The following TRAPPC9 variants were observed in gnomAD, a reference collection of about 807,000 sequenced individuals.
The protein encoded by TRAPPC9 is IKK2 binding protein.
A neutral mutation model predicts 124.0 loss-of-function variants in TRAPPC9; 83 were observed. The observed-to-expected ratio is 0.67, with a 90% CI of 0.56 to 0.80. The LOEUF is 0.80. TRAPPC9 is among the 30% of genes least tolerant of loss of function. TRAPPC9 has a pLI of 0.00. For missense variants in TRAPPC9, 1,302 were observed against 1,508.3 expected, an observed-to-expected ratio of 0.86 and a Z score of 2.27; for synonymous variants, 638 against 617.5, an observed-to-expected ratio of 1.03 and a Z score of -0.49.
chr8:140,280,876 T>C (rs2065292235), intron 14 of TRAPPC9, among the ~76,000 whole-genome samples: 1 of 152,238 alleles, frequency 6.6e-6, no homozygotes, highest in Non-Finnish European at 1.5e-5. Context: ...TCTGGATGTT[T>C]CACATCAGAG....
intron 5 of TRAPPC9, among the ~76,000 whole-genome samples, chr8:140,415,916 G>A (rs2069913285): frequency 6.6e-6 from 1 of 152,098 alleles, no homozygotes; most frequent in Non-Finnish European, 1.5e-5. Context: ...AACTATGACT[G>A]TACCATTGCA....
chr8:140,027,339 TAAAC>T (rs1259298967), intron 17 of TRAPPC9, among the ~76,000 whole-genome samples: 1 of 152,212 alleles, frequency 6.6e-6, no homozygotes, highest in Admixed American at 6.5e-5. Context: ...GTCATGGAAA[TAAAC>T]AAACTCTCAG....
chr8:140,089,751 A>G (rs1466982606), intron 17 of TRAPPC9, among the ~76,000 whole-genome samples: 1 of 152,118 alleles, frequency 6.6e-6, no homozygotes, highest in African/African-American at 2.4e-5. Context: ...ATAGATGAGT[A>G]GGCTGGTAGA....
chr8:139,744,035 G>A (rs7016910), intron 21 of TRAPPC9, among the ~76,000 whole-genome samples: 24 of 152,238 alleles, frequency 1.6e-4, no homozygotes, highest in East Asian at 9.7e-4. Context: ...ACACGCGAAC[G>A]TGCACTCACT....
intron 1 of TRAPPC9, 109 bp downstream of exon 1, chr8:140,457,530 G>A (rs914362125): frequency 5.9e-5 from 53 of 894,984 alleles, no homozygotes; most frequent in Non-Finnish European, 7.0e-5. Context: ...GACAGGTGAG[G>A]GCCGGGCGAG....
intron 12 of TRAPPC9, among the ~76,000 whole-genome samples, chr8:140,288,644 G>A (rs569234284): frequency 1.6e-4 from 24 of 152,188 alleles, no homozygotes; most frequent in Admixed American, 1.2e-3. Context: ...GTCAGAAAAC[G>A]CTATGGAATC....
At chr8:140,356,374 C>G (rs2132151929) in intron 9 of TRAPPC9, among the ~76,000 whole-genome samples, 1 of 152,304 alleles carries the variant, frequency 6.6e-6, no homozygotes, top group South Asian at 2.1e-4. Context: ...CCTCACATGT[C>G]TGGAGTGGAG....
intron 21 of TRAPPC9, among the ~76,000 whole-genome samples, chr8:139,833,505 G>A (rs1826120803): frequency 6.6e-6 from 1 of 152,210 alleles, no homozygotes; most frequent in Non-Finnish European, 1.5e-5. Context: ...TCCGGCCACG[G>A]CACCTGGCTG....
rs146736438 is a variant in TRAPPC9 at position 140,354,356 on chromosome 8, T to C, written c.1495+5694A>G. On this transcript the variant is annotated intron_variant, in intron 9 of 22. Transcript: ENST00000438773. Reference sequence around the variant, plus strand: ...CTCAACAAAGATGGCCCTGTACCCATGATCAGAAAAGCAACACAGTCACGG... The same window carrying C: ...CTCAACAAAGATGGCCCTGTACCCACGATCAGAAAAGCAACACAGTCACGG... Among the ~76,000 whole-genome samples, 507 of 152,288 alleles carry C rather than the reference T, an allele frequency of 3.3e-3. 1 individual carries two copies. The highest frequency in any genetic ancestry group is 0.011 in the African/African-American group (467 of 41,562).
rs183621187 is a variant in TRAPPC9 at position 140,455,063 on chromosome 8, A to C, written c.-11+2576T>G. Among the ~76,000 whole-genome samples the C allele has an allele frequency of 5.4e-4, 82 of 152,348 alleles. No individual in the cohort carries two copies. In the East Asian group the frequency reaches 0.015, roughly 27 times the overall value. The stretch of plus-strand genomic sequence containing the variant: ...GTAGTTCCTCCATAGAGCTACTATA[A>C]AACCAGCAATCCAAGAGATCTGAAA... On this transcript the variant is annotated intron_variant, in intron 1 of 22. Transcript: ENST00000438773.
intron 17 of TRAPPC9, among the ~76,000 whole-genome samples, chr8:140,047,869 T>A (rs140988043): frequency 0.019 from 2,949 of 151,828 alleles, 40 homozygotes; most frequent in Non-Finnish European, 0.028. Flanking sequence ...CCAGCAGAGG[T>A]CGGGGCAGAA....
chr8:140,441,631 C>T (rs1242046493), intron 2 of TRAPPC9, among the ~76,000 whole-genome samples: 2 of 151,332 alleles, frequency 1.3e-5, no homozygotes, highest in African/African-American at 2.4e-5. Context: ...GACGGCTGGG[C>T]AACAGAGCAA....
intron 17 of TRAPPC9, among the ~76,000 whole-genome samples, chr8:140,057,486 C>T (rs1470074572): frequency 2.0e-5 from 3 of 152,192 alleles, no homozygotes; most frequent in African/African-American, 4.8e-5. Flanking sequence ...TCGATAAATA[C>T]AATGAAATGT....
chr8:139,917,793 A>T (rs1171510984), intron 19 of TRAPPC9, among the ~76,000 whole-genome samples: 2 of 152,222 alleles, frequency 1.3e-5, no homozygotes, highest in Non-Finnish European at 2.9e-5. Context: ...AACCTGTGGT[A>T]AGCGTTGACT....
intron 9 of TRAPPC9, among the ~76,000 whole-genome samples, chr8:140,348,004 G>A (rs2067402150): frequency 6.6e-6 from 1 of 152,214 alleles, no homozygotes; most frequent in African/African-American, 2.4e-5. Context: ...GGAGCACTGG[G>A]CTGAGAAGAA....
intron 5 of TRAPPC9, among the ~76,000 whole-genome samples, chr8:140,406,984 GC>G (rs1365946516): frequency 6.6e-6 from 1 of 152,204 alleles, no homozygotes; most frequent in Admixed American, 6.5e-5. Flanking sequence ...CAGGTACCAG[GC>G]ACCCCTTCGA....
intron 17 of TRAPPC9, among the ~76,000 whole-genome samples, chr8:140,120,961 C>G (rs1315491762): frequency 1.3e-5 from 2 of 152,276 alleles, no homozygotes; most frequent in African/African-American, 4.8e-5. Context: ...AACCATCCAT[C>G]CACCCTTTCA....
rs1486430567 is a variant in TRAPPC9 at position 139,910,242 on chromosome 8, T to TC, written c.2868dup (p.Lys957GlufsTer72). The TC allele has an allele frequency of 6.2e-7, 1 of 1,614,126 alleles. No individual in the cohort carries two copies. Among genetic ancestry groups the TC allele is most frequent in the Non-Finnish European group, 8.5e-7 (1 of 1,180,018 alleles). ...TGCTTGGGGTTTGCAAATTGCCCCT[T>TC]CTCCCCAGGGGACTCCGGGAAACTC... is the stretch of plus-strand genomic sequence containing the variant. On this transcript the variant is annotated frameshift_variant, in exon 20 of 23. Transcript: ENST00000438773. LOFTEE classifies it high-confidence loss of function.
chr8:140,033,658 G>GTTTTTTGTTTT lies in TRAPPC9; in HGVS notation c.2557-9580_2557-9579insAAAACAAAAAA, dbSNP rs1563706552. The stretch of plus-strand genomic sequence containing the variant: ...TTGAAATGCAACTCTTCATAATGTG[G>GTTTTTTGTTTT]TTTTTTTTTTTTTTTTTTTTTTTTT... On this transcript the variant is annotated intron_variant, in intron 17 of 22. Transcript: ENST00000438773. 1.2e-4 allele frequency among the ~76,000 whole-genome samples: 5 copies of GTTTTTTGTTTT among 42,358 alleles called. 1 individual carries two copies. The highest frequency in any genetic ancestry group is 1.7e-4 in the Non-Finnish European group (3 of 18,112). The allele number at this position is 42,358 out of a possible 152,430, so 27.8% of individuals were successfully genotyped here.
Sources: gnomAD v4.1 joint callset for allele counts (sites outside exome capture counted in the v4.1 genomes callset) on GRCh38, gnomAD v4.1.1 for gene constraint, MANE v1.5 for transcripts, NCBI Gene and HGNC (gene_info 2026-07-23, HGNC 2026-07-21) for gene names.